Variants in SYTL4 observed in about 807,000 individuals in gnomAD.
The protein encoded by SYTL4 is synaptotagmin-like protein 4.
A neutral mutation model predicts 52.7 loss-of-function variants in SYTL4; 16 were observed. The observed-to-expected ratio is 0.30, with a 90% CI of 0.21 to 0.46. SYTL4 has a LOEUF of 0.46. SYTL4 is among the 20% of genes least tolerant of loss of function. The pLI is 1.00. For synonymous variants in SYTL4, 160 were observed against 186.6 expected (o/e 0.86, Z 1.16); for missense variants, 423 against 519.9 (o/e 0.81, Z 1.81).
intron 2 of SYTL4, among the ~76,000 whole-genome samples, chrX:100,713,151 A>G (rs148587342): frequency 0.022 from 2,456 of 112,375 alleles, 79 homozygotes; most frequent in African/African-American, 0.076. Context: ...AAGAAAAGCA[A>G]AAGCATACGT....
chrX:100,720,680 A>G lies in SYTL4; in HGVS notation c.-240+10738T>C, dbSNP rs764575062. Reference sequence around the variant, plus strand: ...CTCACACATAACTGTGATTTCATGCATTTGGTTTCTTTTTAATTTTAGGGA... The same window carrying G: ...CTCACACATAACTGTGATTTCATGCGTTTGGTTTCTTTTTAATTTTAGGGA... On this transcript the variant is annotated intron_variant, in intron 2 of 19. Transcript: ENST00000372989. Among the ~76,000 whole-genome samples the G allele has an allele frequency of 4.4e-5, 5 of 112,611 alleles. No individual in the cohort carries two copies. In the East Asian group the frequency reaches 1.4e-3, roughly 31 times the overall value.
chrX:100,723,603 G>A (rs368865684), intron 2 of SYTL4, among the ~76,000 whole-genome samples: 2 of 110,259 alleles, frequency 1.8e-5, no homozygotes, highest in South Asian at 7.8e-4. Flanking sequence ...AGTGAGGAGC[G>A]CCTCATCCCG....
intron 2 of SYTL4, among the ~76,000 whole-genome samples, chrX:100,713,779 A>G (rs971524219): frequency 1.8e-5 from 2 of 111,795 alleles, no homozygotes; most frequent in African/African-American, 3.3e-5. Flanking sequence ...ACTTAGCAAT[A>G]GAGAAGAATG....
At chrX:100,709,031 T>C (rs974403464) in intron 2 of SYTL4, among the ~76,000 whole-genome samples, 1 of 112,449 alleles carries the variant, frequency 8.9e-6, no homozygotes, top group African/African-American at 3.2e-5. Context: ...CTTGGCACAG[T>C]GTGTGACACA....
At chrX:100,691,816 G>A (rs1473296863) in intron 8 of SYTL4, among the ~76,000 whole-genome samples, 1 of 111,243 alleles carries the variant, frequency 9.0e-6, no homozygotes, top group Non-Finnish European at 1.9e-5. Flanking sequence ...GGGATTACAG[G>A]CGTAAGCCAC....
At position 100,724,115 on chromosome X, in the gene SYTL4, G is replaced by A. The variant is rs1467408342; in HGVS notation, c.-240+7303C>T. ...TGGGAAGTGAGGAGCCCCTCTGCCCGGCCAGCCGCCCCGTCCGGGAGGGAG... is the reference window on the plus strand; with the variant it reads ...TGGGAAGTGAGGAGCCCCTCTGCCCAGCCAGCCGCCCCGTCCGGGAGGGAG... On this transcript the variant is annotated intron_variant, in intron 2 of 19. Coordinates refer to ENST00000372989, the MANE Select transcript of SYTL4 (RefSeq NM_001370165.1). Among the ~76,000 whole-genome samples the A allele has an allele frequency of 7.6e-4, 67 of 88,199 alleles. 1 individual carries two copies. Among genetic ancestry groups the A allele is most frequent in the African/African-American group, 3.1e-3 (66 of 21,500 alleles). The allele number at this position is 88,199 out of a possible 115,157, so 76.6% of individuals were successfully genotyped here.
chrX:100,726,875 T>TA (rs1242753613), intron 2 of SYTL4, among the ~76,000 whole-genome samples: 1 of 111,174 alleles, frequency 9.0e-6, no homozygotes, highest in Non-Finnish European at 1.9e-5. Context: ...ATCTATAACC[T>TA]GAATAACATA....
chrX:100,683,915 T>C (rs940604156), intron 16 of SYTL4, among the ~76,000 whole-genome samples: 1 of 111,852 alleles, frequency 8.9e-6, no homozygotes, highest in Admixed American at 9.5e-5. Flanking sequence ...TCTCTTTATA[T>C]AAAAGTTTTA....
chrX:100,696,748 C>G (rs1353791619), intron 8 of SYTL4, among the ~76,000 whole-genome samples: 1 of 111,602 alleles, frequency 9.0e-6, no homozygotes, highest in African/African-American at 3.3e-5. Context: ...CAAAACTATT[C>G]ACAACTATTA....
At chrX:100,717,039 T>C (rs181600922) in intron 2 of SYTL4, among the ~76,000 whole-genome samples, 1 of 111,808 alleles carries the variant, frequency 8.9e-6, no homozygotes, top group East Asian at 2.8e-4. Context: ...GCTGTCCTGG[T>C]AATTATCTTT....
At chrX:100,723,836 G>T (rs1406168958) in intron 2 of SYTL4, among the ~76,000 whole-genome samples, 2 of 108,964 alleles carry the variant, frequency 1.8e-5, no homozygotes, top group African/African-American at 6.7e-5. Context: ...AGTGAGGAGC[G>T]TCTCCGCCTG....
At chrX:100,731,125 C>A (rs771551240) in intron 2 of SYTL4, among the ~76,000 whole-genome samples, 2 of 111,822 alleles carry the variant, frequency 1.8e-5, no homozygotes, top group South Asian at 7.7e-4. Context: ...CACCACTTTT[C>A]AAGCCACCAG....
chrX:100,713,440 C>T (rs970452387), intron 2 of SYTL4, among the ~76,000 whole-genome samples: 27 of 108,208 alleles, frequency 2.5e-4, no homozygotes, highest in African/African-American at 8.5e-4. Context: ...AGGGAAACTC[C>T]GTCTCAAAAG....
At chrX:100,711,856 A>G (rs2084078063) in intron 2 of SYTL4, among the ~76,000 whole-genome samples, 1 of 99,478 alleles carries the variant, frequency 1.0e-5, no homozygotes, top group Non-Finnish European at 2.0e-5. Context: ...AAAAGAAGCT[A>G]GAGTGGTGGG....
intron 8 of SYTL4, among the ~76,000 whole-genome samples, chrX:100,700,601 C>T (rs1234969483): frequency 8.9e-6 from 1 of 111,847 alleles, no homozygotes; most frequent in Non-Finnish European, 1.9e-5. Context: ...TAATAATGAG[C>T]ATGTGTTATT....
At chrX:100,724,192 TG>T (rs1215144711) in intron 2 of SYTL4, among the ~76,000 whole-genome samples, 4 of 63,866 alleles carry the variant, frequency 6.3e-5, no homozygotes, top group Non-Finnish European at 8.8e-5. Flanking sequence ...GGGAGGGAGG[TG>T]GGGGGGTCAT....
At chrX:100,726,633 T>C (rs763157963) in intron 2 of SYTL4, among the ~76,000 whole-genome samples, 19 of 110,787 alleles carry the variant, frequency 1.7e-4, no homozygotes, top group Admixed American at 1.3e-3. Flanking sequence ...TCAAGCTGTA[T>C]GCCATCTGCA....
At position 100,686,763 on chromosome X, in the gene SYTL4, A is replaced by C. The variant is rs781450009; in HGVS notation, c.1203T>G (p.Leu401=). 2 of 1,210,066 alleles carry C rather than the reference A, an allele frequency of 1.7e-6. No homozygotes were observed. Among genetic ancestry groups the C allele is most frequent in the Non-Finnish European group, 1.1e-6 (1 of 893,993 alleles). ...KRSNPYVKTY[L]LPDKSRQGKR... ...TTCCTTGGCGGGACTTGTCAGGCAG[A>C]AGGTAAGTCTTCACATATCTAGAAA... is the stretch of plus-strand genomic sequence containing the variant. Residue 401 remains leucine (L), a synonymous_variant, in exon 15 of 20, where the codon CTT becomes CTG. Transcript: ENST00000372989.
At chrX:100,714,399 A>C (rs2084152205) in intron 2 of SYTL4, among the ~76,000 whole-genome samples, 1 of 109,500 alleles carries the variant, frequency 9.1e-6, no homozygotes. Context: ...AGCTGGGACT[A>C]CAGGCACCCG....
Sources: gnomAD v4.1 joint callset for allele counts (sites outside exome capture counted in the v4.1 genomes callset) on GRCh38, gnomAD v4.1.1 for gene constraint, MANE v1.5 for transcripts, NCBI Gene and HGNC (gene_info 2026-07-23, HGNC 2026-07-21) for gene names.